The following DACH1 variants were observed in gnomAD, a reference collection of about 807,000 sequenced individuals.
DACH1 encodes the protein dachshund family transcription factor 1.
Under a neutral mutation model 54.2 loss-of-function variants are expected in DACH1, and 12 were observed. That is an observed-to-expected ratio of 0.22 (90% CI 0.14 to 0.36). The LOEUF (loss-of-function observed/expected upper bound fraction) is 0.36. Ranked by LOEUF, DACH1 falls within the 10% of genes least tolerant of loss-of-function variation. DACH1 has a pLI of 1.00. For missense variants in DACH1, 805 were observed against 929.8 expected (o/e 0.87, Z 1.75); for synonymous variants, 386 against 366.2 (o/e 1.05, Z -0.62).
At chr13:71,538,911 T>C (rs1204814723) in intron 6 of DACH1, among the ~76,000 whole-genome samples, 1 of 152,058 alleles carries the variant, frequency 6.6e-6, no homozygotes, top group African/African-American at 2.4e-5. Context: ...ATTGTCAACA[T>C]GGTAATTTCA....
chr13:71,668,371 A>AAT (rs1879988276), intron 2 of DACH1, among the ~76,000 whole-genome samples: 1 of 152,086 alleles, frequency 6.6e-6, no homozygotes, highest in Admixed American at 6.5e-5. Context: ...AATAATTAAA[A>AAT]ATATATATCT....
intron 1 of DACH1, among the ~76,000 whole-genome samples, chr13:71,859,160 T>C (rs1370666524): frequency 6.6e-6 from 1 of 151,780 alleles, no homozygotes; most frequent in East Asian, 1.9e-4. Flanking sequence ...AATCCCAGCT[T>C]GAAATCCTGG....
chr13:71,715,588 G>A (rs575625981), intron 1 of DACH1, among the ~76,000 whole-genome samples: 76 of 152,040 alleles, frequency 5.0e-4, no homozygotes, highest in Admixed American at 7.2e-4. Flanking sequence ...GTATTATACA[G>A]AAATTTTAAC....
chr13:71,674,477 A>G (rs965977092), intron 2 of DACH1, among the ~76,000 whole-genome samples: 3 of 147,660 alleles, frequency 2.0e-5, no homozygotes, highest in Non-Finnish European at 4.5e-5. Flanking sequence ...ACACACACAC[A>G]CACACACGAA....
At chr13:71,628,859 TCAAA>T (rs1251700495) in intron 3 of DACH1, among the ~76,000 whole-genome samples, 2 of 152,096 alleles carry the variant, frequency 1.3e-5, no homozygotes, top group Admixed American at 6.6e-5. Flanking sequence ...TCTGGAAAAT[TCAAA>T]CAGAGATACC....
At chr13:71,582,275 C>A (rs947171200) in intron 3 of DACH1, among the ~76,000 whole-genome samples, 4 of 152,094 alleles carry the variant, frequency 2.6e-5, no homozygotes, top group Admixed American at 2.0e-4. Flanking sequence ...TGTATTAATG[C>A]ATTTTTATAA....
At chr13:71,503,452 G>A (rs753464742) in intron 6 of DACH1, among the ~76,000 whole-genome samples, 22 of 152,236 alleles carry the variant, frequency 1.4e-4, no homozygotes, top group Non-Finnish European at 2.8e-4. Context: ...TAAGTTAGAT[G>A]AGCCTGAATG....
chr13:71,623,645 C>A (rs1876415431), intron 3 of DACH1, among the ~76,000 whole-genome samples: 1 of 151,356 alleles, frequency 6.6e-6, no homozygotes, highest in Admixed American at 6.6e-5. Flanking sequence ...TCTTTTTGCC[C>A]TTTATCTTTT....
At chr13:71,816,638 ATATGTGTG>A (rs1249946409) in intron 1 of DACH1, among the ~76,000 whole-genome samples, 374 of 26,406 alleles carry the variant, frequency 0.014, 2 homozygotes, top group Non-Finnish European at 0.017. Context: ...ATACACACAC[ATATGTGTG>A]TATATATATA....
chr13:71,673,984 A>AT (rs894081954), intron 2 of DACH1, among the ~76,000 whole-genome samples: 10 of 152,168 alleles, frequency 6.6e-5, no homozygotes, highest in African/African-American at 4.8e-5. Context: ...GCTTAATGGG[A>AT]TTTTAGAAGC....
chr13:71,675,297 C>A lies in DACH1; in HGVS notation c.964+6498G>T, dbSNP rs1035116549. The A allele has an allele frequency of 8.1e-5, 130 of 1,603,408 alleles. No individual in the cohort carries two copies. In the African/African-American group the frequency reaches 1.6e-3, roughly 19 times the overall value. On this transcript the variant is annotated intron_variant, in intron 2 of 10. Transcript: ENST00000613252. ...GTCTGGTGCGAGAAATTGCTCAGTA[C>A]TTTAAAACAGATCTGCGCTTCCAGA...
intron 1 of DACH1, among the ~76,000 whole-genome samples, chr13:71,760,213 G>A (rs762389831): frequency 1.3e-5 from 2 of 152,154 alleles, no homozygotes; most frequent in Non-Finnish European, 2.9e-5. Context: ...GGATTTGCTC[G>A]TGGTGACAAA....
At chr13:71,510,068 A>C (rs1428342448) in intron 6 of DACH1, among the ~76,000 whole-genome samples, 1 of 152,034 alleles carries the variant, frequency 6.6e-6, no homozygotes, top group Non-Finnish European at 1.5e-5. Context: ...TGACACATTG[A>C]ACATTTCTTC....
At chr13:71,777,787 C>T (rs1468344156) in intron 1 of DACH1, among the ~76,000 whole-genome samples, 1 of 151,916 alleles carries the variant, frequency 6.6e-6, no homozygotes, top group Non-Finnish European at 1.5e-5. Context: ...CCACTATTCT[C>T]AACATTCATA....
chr13:71,581,953 T>C (rs900400404), intron 3 of DACH1, among the ~76,000 whole-genome samples: 10 of 152,088 alleles, frequency 6.6e-5, no homozygotes, highest in Non-Finnish European at 1.5e-4. Context: ...CATGCAGAGA[T>C]TGACAACAGG....
Position 71,466,334 on chromosome 13 carries a change from AT to A in DACH1, c.2083+8806del, listed in dbSNP as rs551784454. On this transcript the variant is annotated intron_variant, in intron 10 of 10. Transcript: ENST00000613252. The stretch of plus-strand genomic sequence containing the variant: ...GTTTATGAGCAAGCCAACTTAATTT[AT>A]TTTTTTCAACTTTATTTATGCTAAC... Among the ~76,000 whole-genome samples, 61 of 152,128 alleles carry A rather than the reference AT, an allele frequency of 4.0e-4. 2 individuals carry two copies. The South Asian group carries it at 1.0e-2, about 25-fold the overall frequency.
chr13:71,733,933 G>A (rs1043078626), intron 1 of DACH1, among the ~76,000 whole-genome samples: 1 of 151,770 alleles, frequency 6.6e-6, no homozygotes, highest in East Asian at 1.9e-4. Flanking sequence ...CCTGTAGTCC[G>A]AGCTACTCAG....
At chr13:71,509,544 G>A (rs1216554281) in intron 6 of DACH1, among the ~76,000 whole-genome samples, 1 of 152,022 alleles carries the variant, frequency 6.6e-6, no homozygotes, top group Non-Finnish European at 1.5e-5. Context: ...ATATAAAGAA[G>A]AAATACAATC....
At chr13:71,542,688 A>G (rs1055256026) in intron 6 of DACH1, among the ~76,000 whole-genome samples, 4 of 152,106 alleles carry the variant, frequency 2.6e-5, no homozygotes, top group Non-Finnish European at 5.9e-5. Flanking sequence ...TCATATATGA[A>G]TTTTATTGGA....
Sources: allele counts gnomAD v4.1 joint callset (sites outside exome capture counted in the v4.1 genomes callset), GRCh38; gene constraint gnomAD v4.1.1; transcripts MANE v1.5; gene names NCBI Gene and HGNC (gene_info 2026-07-23, HGNC 2026-07-21).